The following CDYL variants were observed in gnomAD, a reference collection of about 807,000 sequenced individuals.
CDYL encodes chromodomain Y like.
In CDYL, 8 loss-of-function variants were observed where a neutral mutation model predicts 47.3. That is an observed-to-expected ratio of 0.17 (90% CI 0.10 to 0.31). CDYL has a LOEUF of 0.31. CDYL is among the 10% of genes least tolerant of loss of function. CDYL has a pLI of 1.00. For synonymous variants in CDYL, 266 were observed against 265.0 expected (o/e 1.00, Z -0.04); for missense variants, 471 against 701.4 (o/e 0.67, Z 3.71).
At chr6:4,747,306 CAA>C (rs11481080) in intron 3 of CDYL, among the ~76,000 whole-genome samples, 59 of 132,978 alleles carry the variant, frequency 4.4e-4, no homozygotes, top group African/African-American at 9.7e-4. Flanking sequence ...GACTTCATCT[CAA>C]AAAAAAAAAA....
chr6:4,940,161 T>G (rs561570888), intron 4 of CDYL, among the ~76,000 whole-genome samples: 2 of 152,340 alleles, frequency 1.3e-5, no homozygotes, highest in African/African-American at 2.4e-5. Flanking sequence ...ATCAGCTCCC[T>G]GCTCCGTCCA....
At position 4,707,810 on chromosome 6, in the gene CDYL, T is replaced by C. The variant is rs1320141741; in HGVS notation, c.-39+1559T>C. On this transcript the variant is annotated intron_variant, in intron 1 of 8. Coordinates refer to the CDYL transcript ENST00000328908. ...TTAGGAAACCTCATTTGTTTTTAAC[T>C]TTTTTGTTAATTAATGTATTTAAGA... is the stretch of plus-strand genomic sequence containing the variant. 3.3e-5 allele frequency among the ~76,000 whole-genome samples: 5 copies of C among 152,208 alleles called. No homozygotes were observed. In the South Asian group the frequency reaches 8.3e-4, roughly 25 times the overall value.
At chr6:4,870,729 G>T (rs948495846) in intron 1 of CDYL, among the ~76,000 whole-genome samples, 6 of 151,916 alleles carry the variant, frequency 3.9e-5, no homozygotes, top group Non-Finnish European at 5.9e-5. Flanking sequence ...GATAAGTTCT[G>T]TTGATCTCTC....
chr6:4,760,746 A>G (rs781109198), intron 3 of CDYL, among the ~76,000 whole-genome samples: 4 of 152,228 alleles, frequency 2.6e-5, no homozygotes, highest in Non-Finnish European at 5.9e-5. Flanking sequence ...AAACAATTGC[A>G]GTAGAAAGGG....
At chr6:4,826,467 C>A (rs1241046147) in intron 1 of CDYL, among the ~76,000 whole-genome samples, 1 of 151,682 alleles carries the variant, frequency 6.6e-6, no homozygotes, top group African/African-American at 2.4e-5. Context: ...ATCTTTTTTT[C>A]TTTTTTAATG....
At chr6:4,806,063 G>A (rs1040287092) in intron 1 of CDYL, among the ~76,000 whole-genome samples, 2 of 152,214 alleles carry the variant, frequency 1.3e-5, no homozygotes, top group Non-Finnish European at 2.9e-5. Flanking sequence ...AGATTCGACC[G>A]CAGGGAGCGG....
chr6:4,765,967 C>T (rs1031144256), intron 3 of CDYL, among the ~76,000 whole-genome samples: 15 of 151,736 alleles, frequency 9.9e-5, no homozygotes, highest in African/African-American at 2.9e-4. Flanking sequence ...ATACAAAGAA[C>T]CAAAAAAGCT....
At chr6:4,815,257 A>G (rs977905399) in intron 1 of CDYL, among the ~76,000 whole-genome samples, 73 of 152,330 alleles carry the variant, frequency 4.8e-4, no homozygotes, top group East Asian at 7.7e-4. Context: ...ATCGTGTATC[A>G]CATAAATAGA....
chr6:4,856,697 C>T (rs967418589), intron 1 of CDYL, among the ~76,000 whole-genome samples: 1 of 152,110 alleles, frequency 6.6e-6, no homozygotes, highest in Non-Finnish European at 1.5e-5. Flanking sequence ...CAGGATGGCC[C>T]CAGCCCAGAA....
intron 1 of CDYL, among the ~76,000 whole-genome samples, chr6:4,835,767 C>T (rs946699366): frequency 1.3e-5 from 2 of 152,220 alleles, no homozygotes; most frequent in Admixed American, 1.3e-4. Flanking sequence ...TTTACCTAAG[C>T]AAGCCTGGGC....
chr6:4,792,350 T>C (rs1455320674), intron 1 of CDYL, among the ~76,000 whole-genome samples: 2 of 152,116 alleles, frequency 1.3e-5, no homozygotes, highest in Non-Finnish European at 2.9e-5. Flanking sequence ...CTTTGTCCTT[T>C]TTAAAATCAA....
intron 3 of CDYL, among the ~76,000 whole-genome samples, chr6:4,744,847 T>G (rs1013854711): frequency 2.6e-5 from 4 of 151,352 alleles, no homozygotes; most frequent in African/African-American, 7.3e-5. Flanking sequence ...GATTTGAGCT[T>G]TTTTTTTTCT....
In CDYL at chr6:4,895,779, C is replaced by G. The variant is rs540831758; in HGVS notation, c.691+3400C>G. Among the ~76,000 whole-genome samples the G allele has an allele frequency of 3.9e-3, 587 of 152,288 alleles. 5 individuals are homozygous for G. The highest frequency in any genetic ancestry group is 6.0e-3 in the Non-Finnish European group (407 of 68,028). On this transcript the variant is annotated intron_variant, in intron 2 of 6. Transcript: ENST00000397588. The stretch of plus-strand genomic sequence containing the variant: ...TCACCACATGTGAAACAATTCGCAA[C>G]AAGAACCTTCATTCCTTTATATTTC...
At chr6:4,743,238 A>C (rs1757829312) in intron 3 of CDYL, among the ~76,000 whole-genome samples, 1 of 152,214 alleles carries the variant, frequency 6.6e-6, no homozygotes, top group South Asian at 2.1e-4. Context: ...AGATGCTCGG[A>C]AAGTGCCTGG....
intron 1 of CDYL, among the ~76,000 whole-genome samples, chr6:4,817,944 T>C (rs1759719587): frequency 6.6e-6 from 1 of 152,196 alleles, no homozygotes; most frequent in African/African-American, 2.4e-5. Context: ...TTAAGTAAGA[T>C]AGTAGCTATT....
In CDYL at chr6:4,930,163, C is replaced by T. The variant is rs369408314; in HGVS notation, c.692-5352C>T. On this transcript the variant is annotated intron_variant, in intron 2 of 6. Coordinates refer to ENST00000397588, the MANE Select transcript of CDYL (RefSeq NM_004824.4). ...CTCTGCTCTGGCTGATTAGGACTTC[C>T]GGCCCTAGGCAGACTTGAGATTATT... Among the ~76,000 whole-genome samples, 9 of 152,294 alleles carry T rather than the reference C, an allele frequency of 5.9e-5. No individual in the cohort carries two copies. The South Asian group carries it at 8.3e-4, about 14-fold the overall frequency.
chr6:4,943,109 C>G (rs1202540027), intron 4 of CDYL, among the ~76,000 whole-genome samples: 1 of 152,228 alleles, frequency 6.6e-6, no homozygotes, highest in African/African-American at 2.4e-5. Flanking sequence ...ACACTTAACA[C>G]CAGGCAGTCT....
chr6:4,823,723 A>G (rs1176694843), intron 1 of CDYL, among the ~76,000 whole-genome samples: 2 of 152,220 alleles, frequency 1.3e-5, no homozygotes, highest in Non-Finnish European at 2.9e-5. Flanking sequence ...AAACTTTGTA[A>G]CCGGTAAAAT....
At chr6:4,913,269 A>T (rs112500519) in intron 2 of CDYL, among the ~76,000 whole-genome samples, 2,231 of 151,156 alleles carry the variant, frequency 0.015, 63 homozygotes, top group African/African-American at 0.05. Flanking sequence ...ATTTAATTAA[A>T]ATTTTTTTAT....
Sources: allele counts gnomAD v4.1 joint callset (sites outside exome capture counted in the v4.1 genomes callset), GRCh38; gene constraint gnomAD v4.1.1; transcripts MANE v1.5; gene names NCBI Gene and HGNC (gene_info 2026-07-23, HGNC 2026-07-21).